Variants in EXOSC3 observed in about 807,000 individuals in gnomAD.
EXOSC3 encodes the protein exosome component 3.
In EXOSC3, 18 loss-of-function variants were observed where a neutral mutation model predicts 25.1. That is an observed-to-expected ratio of 0.72 (90% CI 0.50 to 1.06). The LOEUF is 1.06. EXOSC3 is among the 50% of genes least tolerant of loss of function. The pLI, the probability that EXOSC3 is intolerant of heterozygous loss-of-function variation, is 0.00. For missense variants in EXOSC3, 382 were observed against 350.9 expected, an observed-to-expected ratio of 1.09 and a Z score of -0.71; for synonymous variants, 165 against 132.2, an observed-to-expected ratio of 1.25 and a Z score of -1.70.
At position 37,783,890 on chromosome 9, in the gene EXOSC3, G is replaced by T. The variant is rs768414644; in HGVS notation, c.474+24C>A. 3.1e-6 allele frequency: 5 copies of T among 1,602,702 alleles called. No individual in the cohort carries two copies. The African/African-American group carries it at 6.7e-5, about 22-fold the overall frequency. ...CTAGGGAATGGATGTTTGTTTCTTT[G>T]AAACCAAAGGCTCCCGTAATTACCT... On this transcript the variant is annotated intron_variant, in intron 2 of 3. Coordinates refer to ENST00000327304, the MANE Select transcript of EXOSC3 (RefSeq NM_016042.4).
chr9:37,782,950 AGGT>A (rs1828626732), intron 2 of EXOSC3, among the ~76,000 whole-genome samples: 1 of 152,188 alleles, frequency 6.6e-6, no homozygotes, highest in Admixed American at 6.5e-5. Context: ...GGCTTTACAG[AGGT>A]GGTCATGTTT....
chr9:37,783,820 A>G, intron 2 of EXOSC3, 94 bp downstream of exon 2: 3 of 1,390,612 alleles, frequency 2.2e-6, no homozygotes, highest in Non-Finnish European at 2.9e-6. Flanking sequence ...GATCTAGGTC[A>G]TGCTTTGGAG....
At chr9:37,784,511 GT>G (rs1828662581) in intron 1 of EXOSC3, 2 of 621,166 alleles carry the variant, frequency 3.2e-6, no homozygotes, top group African/African-American at 3.7e-5. Flanking sequence ...GTCTCCAAAC[GT>G]TTTTCTCTCC....
At position 37,784,754 on chromosome 9, in the gene EXOSC3, G is replaced by T; in HGVS notation, c.291C>A (p.Gly97=). 6.2e-7 allele frequency: 1 copy of T among 1,601,290 alleles called. No homozygotes were observed. Among genetic ancestry groups the T allele is most frequent in the Non-Finnish European group, 8.5e-7 (1 of 1,177,388 alleles). Residue 97 remains glycine (G), a synonymous_variant, in exon 1 of 4, where the codon GGC becomes GGA. Coordinates refer to ENST00000327304, the MANE Select transcript of EXOSC3 (RefSeq NM_016042.4). The part of the protein sequence containing the change: ...RHKEPGSGSG[G]GVYWVDSQQK... ...GCTGAGAGTCCACCCAGTAAACACC[G>T]CCGCCGCTGCCACTGCCGGGCTCCT... is the stretch of plus-strand genomic sequence containing the variant.
chr9:37,784,059 A>G lies in EXOSC3; in HGVS notation c.329T>C (p.Val110Ala). 3.7e-6 allele frequency: 6 copies of G among 1,606,024 alleles called. No homozygotes were observed. The highest frequency in any genetic ancestry group is 5.1e-6 in the Non-Finnish European group (6 of 1,177,302). ...YWVDSQQKRY[V>A]PVKGDHVIGI... The stretch of plus-strand genomic sequence containing the variant: ...AATCACATGGTCTCCTTTTACTGGA[A>G]CATACTACAAAAAGAAACAGAATGA... Residue 110 changes from valine to alanine, a missense_variant, in exon 2 of 4, where the codon GTT (valine) becomes GCT (alanine). Physicochemically the swap from Val to Ala is moderately conservative, Grantham distance 64. Transcript: ENST00000327304.
At position 37,780,760 on chromosome 9, in the gene EXOSC3, A is replaced by G; in HGVS notation, c.747T>C (p.Ile249=). Residue 249 remains isoleucine, a synonymous_variant, in exon 4 of 4, where the codon ATT becomes ATC. Transcript: ENST00000327304. ...CACAAGCTTCTAAAATGTTTGCCAAAATTAAAGTCTGCTGGATGGTTTTTG... is the reference window on the plus strand; with the variant it reads ...CACAAGCTTCTAAAATGTTTGCCAAGATTAAAGTCTGCTGGATGGTTTTTG... ...VKAKTIQQTL[I]LANILEACEH... 6.2e-7 allele frequency: 1 copy of G among 1,613,978 alleles called. No homozygotes were observed. The highest frequency in any genetic ancestry group is 1.7e-5 in the Admixed American group (1 of 60,014).
chr9:37,781,762 A>T, intron 3 of EXOSC3: 1 of 533,520 alleles, frequency 1.9e-6, no homozygotes, highest in Non-Finnish European at 3.3e-6. Flanking sequence ...GGCATGAAGT[A>T]TCAGCCCACC....
intron 1 of EXOSC3, 90 bp from the exon 2 acceptor site, chr9:37,784,153 T>C: frequency 7.2e-7 from 1 of 1,391,966 alleles, no homozygotes. Context: ...GTTACTTTAT[T>C]GTCATTAAAG....
chr9:37,784,442 C>T (rs1266643551), intron 1 of EXOSC3: 1 of 534,652 alleles, frequency 1.9e-6, no homozygotes, highest in Non-Finnish European at 3.3e-6. Flanking sequence ...GTCCTGCCCT[C>T]TGAGACTCCA....
In EXOSC3 at chr9:37,784,840, G is replaced by C. The variant is rs756970445; in HGVS notation, c.205C>G (p.Pro69Ala). The C allele has an allele frequency of 1.2e-6, 2 of 1,608,568 alleles. No individual in the cohort carries two copies. The highest frequency in any genetic ancestry group is 4.5e-5 in the East Asian group (2 of 44,582). Residue 69 changes from proline (P) to alanine (A), a missense_variant, in exon 1 of 4, where the codon CCG becomes GCG. Physicochemically the swap from Pro to Ala is conservative, Grantham distance 27. Coordinates refer to ENST00000327304, the MANE Select transcript of EXOSC3 (RefSeq NM_016042.4). ...CGGTCCCCACAGCGCCGAAGGCCCG[G>C]ACCGCATACAACGCGCACCCGCGAG... The part of the protein sequence containing the change: ...ACSRVRVVCG[P>A]GLRRCGDRLL...
rs747459915 is a variant in EXOSC3 at position 37,781,968 on chromosome 9, G to C, written c.626+18C>G. 3.1e-6 allele frequency: 5 copies of C among 1,607,570 alleles called. No individual in the cohort carries two copies. In the South Asian group the frequency reaches 5.6e-5, roughly 18 times the overall value. On this transcript the variant is annotated intron_variant, in intron 3 of 3. Coordinates refer to ENST00000327304, the MANE Select transcript of EXOSC3 (RefSeq NM_016042.4). ...ATAATTATAAAAAGCAGTCAAGCCA[G>C]CAGACATCAGGACTTACTTTCTAAT...
In EXOSC3 at chr9:37,784,872, C is replaced by G. The variant is rs1828674391; in HGVS notation, c.173G>C (p.Arg58Thr). 1 of 1,607,334 alleles carries G rather than the reference C, an allele frequency of 6.2e-7. No individual in the cohort carries two copies. Among genetic ancestry groups the G allele is most frequent in the East Asian group, 2.3e-5 (1 of 44,416 alleles). Residue 58 changes from arginine to threonine, a missense_variant, in exon 1 of 4, where the codon AGA (arginine) becomes ACA (threonine). Physicochemically the swap from Arg to Thr is moderately conservative, Grantham distance 71. Transcript: ENST00000327304. Reference sequence around the variant, plus strand: ...TACAACGCGCACCCGCGAGCACGCTCTAGCATTCAGGCTCAACGGTCGCTC... The same window carrying G: ...TACAACGCGCACCCGCGAGCACGCTGTAGCATTCAGGCTCAACGGTCGCTC... ...AVERPLSLNA[R>T]ACSRVRVVCG...
intron 1 of EXOSC3, 35 bp from the exon 2 acceptor site, chr9:37,784,098 A>C: frequency 6.3e-7 from 1 of 1,595,134 alleles, no homozygotes; most frequent in Non-Finnish European, 8.5e-7. Flanking sequence ...AACAGCCATA[A>C]ATGACAAGAT....
chr9:37,782,601 G>T (rs760624327), intron 2 of EXOSC3, among the ~76,000 whole-genome samples: 29 of 152,302 alleles, frequency 1.9e-4, no homozygotes, highest in Admixed American at 9.2e-4. Context: ...ACAGAGAAAG[G>T]AAGGAACTCC....
rs758427169 is a variant in EXOSC3 at position 37,784,940 on chromosome 9, G to A, written c.105C>T (p.Leu35=). Residue 35 remains leucine (L), a synonymous_variant, in exon 1 of 4, where the codon CTC becomes CTT. Transcript: ENST00000327304. ...GQVVLPGEEL[L]LPEQEDAEGP... ...CTTCCGCGTCCTCCTGTTCCGGCAG[G>A]AGCAGCTCCTCACCCGGGAGCACCA... 1.9e-6 allele frequency: 3 copies of A among 1,611,916 alleles called. No individual in the cohort carries two copies. In the East Asian group the frequency reaches 6.7e-5, roughly 36 times the overall value.
At chr9:37,781,458 G>C (rs3827515) in intron 3 of EXOSC3, among the ~76,000 whole-genome samples, 2 of 150,006 alleles carry the variant, frequency 1.3e-5, no homozygotes, top group African/African-American at 4.9e-5. Context: ...CACAGCTTTG[G>C]GTGGGTAAAG....
intron 1 of EXOSC3, 163 bp downstream of exon 1, chr9:37,784,558 C>A (rs1208652635): frequency 1.3e-6 from 1 of 770,030 alleles, no homozygotes; most frequent in Non-Finnish European, 2.0e-6. Flanking sequence ...CTATTGTTCA[C>A]GGTCCCTCTA....
intron 1 of EXOSC3, 184 bp downstream of exon 1, chr9:37,784,537 A>T: frequency 1.4e-6 from 1 of 693,160 alleles, no homozygotes; most frequent in East Asian, 2.8e-5. Context: ...CGCCCTTCTC[A>T]GGCTATGTTC....
chr9:37,780,655 G>A lies in EXOSC3; in HGVS notation c.*24C>T, dbSNP rs1828566650. 3.1e-6 allele frequency: 5 copies of A among 1,606,726 alleles called. No homozygotes were observed. Among genetic ancestry groups the A allele is most frequent in the Non-Finnish European group, 3.4e-6 (4 of 1,175,490 alleles). ...AAACCCATAGTTTTTTGCCTCAACT[G>A]ACCTGTAAAAAAGTCCACCTATATC... is the stretch of plus-strand genomic sequence containing the variant. On this transcript the variant is annotated 3_prime_UTR_variant, in exon 4 of 4. Coordinates refer to ENST00000327304, the MANE Select transcript of EXOSC3 (RefSeq NM_016042.4).
Sources: gnomAD v4.1 joint callset for allele counts (sites outside exome capture counted in the v4.1 genomes callset) on GRCh38, gnomAD v4.1.1 for gene constraint, MANE v1.5 for transcripts, NCBI Gene and HGNC (gene_info 2026-07-23, HGNC 2026-07-21) for gene names.